Variants in ZNF28 observed in about 807,000 individuals in gnomAD.
The protein encoded by ZNF28 is zinc finger protein 28, also known as zinc finger protein KOX24.
Under a neutral mutation model 7.2 loss-of-function variants are expected in ZNF28, and 5 were observed. The ratio of observed to expected loss-of-function variants is 0.70; its 90% CI spans 0.36 to 1.46. The LOEUF is 1.46. Among genes scored for constraint, ZNF28 ranks in the 40% most tolerant of loss-of-function variants. The pLI is 0.03. For synonymous variants in ZNF28, 288 were observed against 292.4 expected, an observed-to-expected ratio of 0.99 and a Z score of 0.15; for missense variants, 879 against 866.6, an observed-to-expected ratio of 1.01 and a Z score of -0.18.
At chr19:52,809,861 T>C in intron 2 of ZNF28, 5 of 649,800 alleles carry the variant, frequency 7.7e-6, no homozygotes, top group East Asian at 5.7e-5. Context: ...GCAGTAGCAC[T>C]GGGCCTGCGG....
Position 52,800,768 on chromosome 19 carries a change from T to C in ZNF28, c.1077A>G (p.Glu359=), listed in dbSNP as rs1401315781. The stretch of plus-strand genomic sequence containing the variant: ...ACAGTCGATTAAAAACCTTGCCACA[T>C]TCATTACACTTGTAAGGTTTCTCTC... ...HTGEKPYKCN[E]CGKVFNRLST... Residue 359 remains glutamate (E), a synonymous_variant, in exon 4 of 4, where the codon GAA becomes GAG. Transcript: ENST00000457749. 2.5e-6 allele frequency: 4 copies of C among 1,613,972 alleles called. No individual in the cohort carries two copies. The East Asian group carries it at 6.7e-5, about 27-fold the overall frequency.
At chr19:52,809,822 AGGC>A (rs112288552) in intron 2 of ZNF28, 73 of 526,478 alleles carry the variant, frequency 1.4e-4, no homozygotes, top group South Asian at 4.4e-4. Context: ...TGAGCGGCGA[AGGC>A]GGCGGCGGCG....
In ZNF28 at chr19:52,811,800, G is replaced by A. The variant is rs568757841; in HGVS notation, c.16-3667C>T. ...CCCCGCCCGGCCAGCCGCCCCGTCC[G>A]GGAGGTGAGGGGCTCCTCTGCCCGG... On this transcript the variant is annotated intron_variant, in intron 2 of 3. Transcript: ENST00000457749. Among the ~76,000 whole-genome samples, 711 of 146,324 alleles carry A rather than the reference G, an allele frequency of 4.9e-3. 10 individuals carry two copies. The highest frequency in any genetic ancestry group is 0.017 in the African/African-American group (658 of 38,882).
intron 3 of ZNF28, among the ~76,000 whole-genome samples, chr19:52,802,383 C>A (rs1469338731): frequency 3.1e-5 from 1 of 32,492 alleles, no homozygotes; most frequent in African/African-American, 1.2e-4. Flanking sequence ...AACAAAAAAA[C>A]AAACAACAAA....
rs148014795 is a variant in ZNF28 at position 52,801,343 on chromosome 19, T to C, written c.502A>G (p.Ile168Val). 42 of 1,614,076 alleles carry C rather than the reference T, an allele frequency of 2.6e-5. No individual in the cohort carries two copies. The highest frequency in any genetic ancestry group is 7.7e-5 in the South Asian group (7 of 91,088). Residue 168 changes from isoleucine (I) to valine (V), a missense_variant, in exon 4 of 4, where the codon ATC (isoleucine) becomes GTC (valine). Ile to Val is a conservative substitution (Grantham distance 29). Transcript: ENST00000457749. ...GTTGAAACTGAGGAAGCATTGTTGATAGACTTCTCAACTTGATTACCAATT... is the reference window on the plus strand; with the variant it reads ...GTTGAAACTGAGGAAGCATTGTTGACAGACTTCTCAACTTGATTACCAATT... ...GKIGNQVEKS[I>V]NNASSVSTSQ...
intron 3 of ZNF28, among the ~76,000 whole-genome samples, chr19:52,803,161 C>A (rs528808455): frequency 6.6e-6 from 1 of 152,274 alleles, no homozygotes; most frequent in African/African-American, 2.4e-5. Flanking sequence ...CTCAATGCAA[C>A]CTCTGCCTTG....
At chr19:52,818,103 C>A (rs113162001) in intron 1 of ZNF28, 72 bp from the exon 2 acceptor site, 9 of 1,394,356 alleles carry the variant, frequency 6.5e-6, no homozygotes, top group Admixed American at 4.3e-5. Flanking sequence ...ACAACACATA[C>A]AAAGGAGACT....
At chr19:52,811,760 T>TGG (rs2063046338) in intron 2 of ZNF28, among the ~76,000 whole-genome samples, 1 of 128,942 alleles carries the variant, frequency 7.8e-6, no homozygotes, top group Non-Finnish European at 1.7e-5. Flanking sequence ...GGGAGGGAGG[T>TGG]CGGGGGGGTC....
chr19:52,816,680 A>C (rs954758306), intron 2 of ZNF28, among the ~76,000 whole-genome samples: 8 of 120,768 alleles, frequency 6.6e-5, no homozygotes, highest in Admixed American at 8.5e-5. Flanking sequence ...AAGAAAAAAA[A>C]AATTAGTTGG....
rs574742869 is a variant in ZNF28 at position 52,799,996 on chromosome 19, G to A, written c.1849C>T (p.Arg617Cys). The A allele has an allele frequency of 2.2e-5, 36 of 1,601,576 alleles. No homozygotes were observed. The highest frequency in any genetic ancestry group is 2.2e-4 in the African/African-American group (16 of 71,470). Residue 617 changes from arginine (R) to cysteine (C), a missense_variant, in exon 4 of 4, where the codon CGT becomes TGT. By Grantham distance (180) the Arg-to-Cys change is radical. Around this residue, in one of 2 missense-constraint regions of ZNF28, gnomAD observed 864 missense variants for 830.2 expected, o/e 1.04. Transcript: ENST00000457749. The part of the protein sequence containing the change: ...YKCNECGKTF[R>C]QTSSLIIHRR... ...TGGATTATAAGCGATGATGTCTGAC[G>A]GAAGGTCTTGCCACACTCATTACAC...
Position 52,801,133 on chromosome 19 carries a change from A to C in ZNF28, c.712T>G (p.Leu238Val), listed in dbSNP as rs2062863778. Residue 238 changes from leucine (L) to valine (V), a missense_variant, in exon 4 of 4, where the codon TTA (leucine) becomes GTA (valine). Leu to Val is a conservative substitution (Grantham distance 32). Transcript: ENST00000457749. ...SLLKKHQITH[L>V]EEKQCKCDVY... ...TCACATTTACATTGTTTCTCTTCTAAGTGGGTTATCTGATGTTTTTTTAAA... is the reference window on the plus strand; with the variant it reads ...TCACATTTACATTGTTTCTCTTCTACGTGGGTTATCTGATGTTTTTTTAAA... 2 of 1,613,976 alleles carry C rather than the reference A, an allele frequency of 1.2e-6. No homozygotes were observed. Among genetic ancestry groups the C allele is most frequent in the Non-Finnish European group, 8.5e-7 (1 of 1,180,012 alleles).
chr19:52,807,868 C>G (rs2062955981), intron 3 of ZNF28, 139 bp downstream of exon 3: 1 of 1,355,190 alleles, frequency 7.4e-7, no homozygotes, highest in Admixed American at 2.1e-5. Flanking sequence ...CAGTGAAAGT[C>G]CAGATGCTAC....
In ZNF28 at chr19:52,800,301, C is replaced by T; in HGVS notation, c.1544G>A (p.Arg515Lys). 1.9e-6 allele frequency: 3 copies of T among 1,606,226 alleles called. No homozygotes were observed. Among genetic ancestry groups the T allele is most frequent in the Non-Finnish European group, 1.7e-6 (2 of 1,175,468 alleles). The change falls in exon 4 of 4, where the codon AGA becomes AAA. Residue 515 changes from arginine to lysine, a missense_variant. Physicochemically the swap from Arg to Lys is conservative, Grantham distance 26. Coordinates refer to ENST00000457749, the MANE Select transcript of ZNF28 (RefSeq NM_006969.5). ...GTATGGTTTCTCTCCAGTATGAACT[C>T]TCTGATGTTCTGTAAGGCATGAATC... ...RSDSCLTEHQRVHTGEKPYMC... is the reference protein window; with the variant it reads ...RSDSCLTEHQKVHTGEKPYMC...
rs112415446 is a variant in ZNF28, at chr19:52,809,913, G to A, written c.16-1780C>T. 8.4e-3 allele frequency: 7,001 copies of A among 836,496 alleles called. 52 individuals carry two copies. The highest frequency in any genetic ancestry group is 0.011 in the Non-Finnish European group (5,422 of 499,778). 51.8% of individuals were successfully genotyped at this position (836,496 alleles called of 1,614,324 possible). Reference sequence around the variant, plus strand: ...GCCGGGGCGGCGCCATCTTGTGCCCGGGGCCGGTGGGGAGGCCGGGGAGGT... The same window carrying A: ...GCCGGGGCGGCGCCATCTTGTGCCCAGGGCCGGTGGGGAGGCCGGGGAGGT... On this transcript the variant is annotated intron_variant, in intron 2 of 3. Transcript: ENST00000457749.
rs1172910272 is a variant in ZNF28 at position 52,800,833 on chromosome 19, A to T, written c.1012T>A (p.Cys338Ser). Reference protein sequence around the residue: ...KCKVCDKAFTCNSYLAKHTII... With the variant: ...KCKVCDKAFTSNSYLAKHTII... ...GTATGTTTTGCTAGGTATGAATTAC[A>T]TGTGAAAGCTTTGTCACAAACCTTA... The change falls in exon 4 of 4, where the codon TGT becomes AGT. Residue 338 changes from cysteine (C) to serine (S), a missense_variant. Cys to Ser is a moderately radical substitution (Grantham distance 112). This residue lies in a region of ZNF28 where 864 missense variants were observed against 830.2 expected (regional missense o/e 1.04). Transcript: ENST00000457749. 1 of 1,614,006 alleles carries T rather than the reference A, an allele frequency of 6.2e-7. No individual in the cohort carries two copies. Among genetic ancestry groups the T allele is most frequent in the Non-Finnish European group, 8.5e-7 (1 of 1,179,988 alleles).
rs184010926 is a variant in ZNF28, at chr19:52,807,184, T to C, written c.142+823A>G. On this transcript the variant is annotated intron_variant, in intron 3 of 3. Coordinates refer to ENST00000457749, the MANE Select transcript of ZNF28 (RefSeq NM_006969.5). ...CAGGGCTCTTTCCCTTGCTCCAACA[T>C]GGAGACAGCAGGTCAGAAAGAGACT... Among the ~76,000 whole-genome samples, 607 of 152,228 alleles carry C rather than the reference T, an allele frequency of 4.0e-3. 7 individuals carry two copies. Among genetic ancestry groups the C allele is most frequent in the African/African-American group, 0.014 (580 of 41,548 alleles).
At position 52,800,643 on chromosome 19, in the gene ZNF28, T is replaced by C. The variant is rs2147614929; in HGVS notation, c.1202A>G (p.His401Arg). 1.9e-6 allele frequency: 3 copies of C among 1,613,474 alleles called. No individual in the cohort carries two copies. The highest frequency in any genetic ancestry group is 1.7e-4 in the Middle Eastern group (1 of 6,060). Residue 401 changes from histidine (H) to arginine (R), a missense_variant, in exon 4 of 4, where the codon CAT becomes CGT. Physicochemically the swap from His to Arg is conservative, Grantham distance 29. Coordinates refer to ENST00000457749, the MANE Select transcript of ZNF28 (RefSeq NM_006969.5). ...VFSRKSHLER[H>R]KRIHTGEKPY... Reference sequence around the variant, plus strand: ...TTTCTCTCCAGTATGAATCCTCTTATGTCTTTCAAGATGTGATTTGCGACT... The same window carrying C: ...TTTCTCTCCAGTATGAATCCTCTTACGTCTTTCAAGATGTGATTTGCGACT...
At chr19:52,816,844 A>AAT in intron 2 of ZNF28, among the ~76,000 whole-genome samples, 1 of 143,510 alleles carries the variant, frequency 7.0e-6, no homozygotes, top group Non-Finnish European at 1.6e-5. Flanking sequence ...AAATAATAAT[A>AAT]ATAATAATAA....
intron 1 of ZNF28, among the ~76,000 whole-genome samples, chr19:52,821,290 G>C (rs1273891830): frequency 3.3e-5 from 5 of 152,134 alleles, no homozygotes; most frequent in Non-Finnish European, 2.9e-5. Flanking sequence ...TCTAGGGTGA[G>C]GACTTTAAAA....
Sources: gnomAD v4.1 joint callset for allele counts (sites outside exome capture counted in the v4.1 genomes callset) on GRCh38, gnomAD v4.1.1 for gene constraint, gnomAD v4.1.1 regional missense constraint, MANE v1.5 for transcripts, NCBI Gene and HGNC (gene_info 2026-07-23, HGNC 2026-07-21) for gene names.